Variants in STK3 observed in about 807,000 individuals in gnomAD.
The protein encoded by STK3 is serine/threonine kinase 3.
Under a neutral mutation model 58.0 loss-of-function variants are expected in STK3, and 41 were observed. The ratio of observed to expected loss-of-function variants is 0.71; its 90% CI spans 0.55 to 0.92. The LOEUF is 0.92. Among genes scored for constraint, STK3 ranks in the 40% least tolerant of loss-of-function variants. STK3 has a pLI of 0.00. For synonymous variants in STK3, 170 were observed against 191.0 expected, an observed-to-expected ratio of 0.89 and a Z score of 0.91; for missense variants, 479 against 602.7, an observed-to-expected ratio of 0.79 and a Z score of 2.15.
intron 3 of STK3, among the ~76,000 whole-genome samples, chr8:98,406,275 ATTTTAT>A (rs1378699677): frequency 2.3e-4 from 11 of 48,554 alleles, no homozygotes; most frequent in African/African-American, 5.4e-4. Flanking sequence ...ATTTTATTTT[ATTTTAT>A]TTTATTTTAT....
intron 4 of STK3, among the ~76,000 whole-genome samples, chr8:98,736,655 CT>C (rs890924540): frequency 6.6e-5 from 10 of 152,184 alleles, no homozygotes; most frequent in Admixed American, 2.6e-4. Context: ...CGCTTTACCC[CT>C]AATAAGATTT....
At chr8:98,724,238 A>G (rs1413774653) in intron 4 of STK3, among the ~76,000 whole-genome samples, 1 of 152,188 alleles carries the variant, frequency 6.6e-6, no homozygotes, top group African/African-American at 2.4e-5. Flanking sequence ...ACCATCTAAT[A>G]CAACATTTAA....
At chr8:98,764,690 G>C (rs1054165523) in intron 3 of STK3, among the ~76,000 whole-genome samples, 1 of 152,212 alleles carries the variant, frequency 6.6e-6, no homozygotes, top group Non-Finnish European at 1.5e-5. Context: ...TTATTAAATA[G>C]AAGTACTCAT....
At chr8:98,654,258 A>G (rs1355870768) in intron 6 of STK3, among the ~76,000 whole-genome samples, 1 of 152,244 alleles carries the variant, frequency 6.6e-6, no homozygotes, top group Admixed American at 6.5e-5. Flanking sequence ...ATAGATGCAG[A>G]AAAGGCCTTT....
intron 1 of STK3, among the ~76,000 whole-genome samples, chr8:98,931,535 C>T (rs1840003795): frequency 6.6e-6 from 1 of 152,180 alleles, no homozygotes; most frequent in South Asian, 2.1e-4. Context: ...ATGTCCAAGC[C>T]TCTGCTGTGG....
At chr8:98,909,236 C>T (rs941014055) in intron 1 of STK3, among the ~76,000 whole-genome samples, 1 of 152,142 alleles carries the variant, frequency 6.6e-6, no homozygotes, top group Non-Finnish European at 1.5e-5. Flanking sequence ...TATACAGGCT[C>T]CTGGCCGTGG....
chr8:98,478,402 A>G (rs1166177778), intron 10 of STK3, among the ~76,000 whole-genome samples: 1 of 152,170 alleles, frequency 6.6e-6, no homozygotes, highest in Non-Finnish European at 1.5e-5. Flanking sequence ...CTTAAGATCC[A>G]TCGAGTTCGC....
intron 9 of STK3, among the ~76,000 whole-genome samples, chr8:98,529,214 C>A (rs907942465): frequency 1.9e-4 from 29 of 152,224 alleles, no homozygotes; most frequent in African/African-American, 7.0e-4. Flanking sequence ...ATGAGGGAAG[C>A]CTAAATCGAT....
chr8:98,607,060 C>A (rs1816834420), intron 6 of STK3, among the ~76,000 whole-genome samples: 1 of 152,172 alleles, frequency 6.6e-6, no homozygotes, highest in Non-Finnish European at 1.5e-5. Context: ...AACAGAACCA[C>A]AGTACACTCA....
At chr8:98,476,819 TTGA>T (rs1189489496) in intron 10 of STK3, among the ~76,000 whole-genome samples, 4 of 152,236 alleles carry the variant, frequency 2.6e-5, no homozygotes, top group African/African-American at 9.6e-5. Flanking sequence ...TAAATCACTC[TTGA>T]TGATTTCCAC....
rs58367387 is a variant in STK3, at chr8:98,668,922, AT to A, written c.684+37544del. Among the ~76,000 whole-genome samples the A allele has an allele frequency of 5.8e-3, 872 of 149,988 alleles. 9 individuals carry two copies. The highest frequency in any genetic ancestry group is 0.021 in the African/African-American group (843 of 40,804). Reference sequence around the variant, plus strand: ...GTGTTTTCTGTATAATTCCAATTATATTTCAATTGTGTTCAGCTTTCAAACT... The same window carrying A: ...GTGTTTTCTGTATAATTCCAATTATATTCAATTGTGTTCAGCTTTCAAACT... On this transcript the variant is annotated intron_variant, in intron 6 of 10. Coordinates refer to ENST00000419617, the MANE Select transcript of STK3 (RefSeq NM_006281.4).
At chr8:98,464,506 C>CTGAG (rs1480384211) in intron 10 of STK3, among the ~76,000 whole-genome samples, 1 of 119,812 alleles carries the variant, frequency 8.3e-6, no homozygotes, top group Non-Finnish European at 1.6e-5. Flanking sequence ...GCCCATAAGG[C>CTGAG]TGAGCCACAG....
intron 1 of STK3, among the ~76,000 whole-genome samples, chr8:98,795,079 CAAAAAAA>C (rs35865316): frequency 6.0e-4 from 8 of 13,384 alleles, no homozygotes; most frequent in Non-Finnish European, 8.4e-4. Flanking sequence ...AACTCCGTCG[CAAAAAAA>C]AAAAAAAAAA....
chr8:98,734,022 A>G (rs1828392525), intron 4 of STK3, among the ~76,000 whole-genome samples: 1 of 152,144 alleles, frequency 6.6e-6, no homozygotes, highest in African/African-American at 2.4e-5. Flanking sequence ...AAGGGGAAGC[A>G]AACACCGAAT....
chr8:98,769,993 A>G (rs951656199), intron 2 of STK3, among the ~76,000 whole-genome samples: 1 of 152,208 alleles, frequency 6.6e-6, no homozygotes, highest in African/African-American at 2.4e-5. Flanking sequence ...CATCAGCACC[A>G]GGTCTGTTAT....
intron 6 of STK3, among the ~76,000 whole-genome samples, chr8:98,693,996 T>C (rs1824629546): frequency 6.6e-6 from 1 of 152,232 alleles, no homozygotes; most frequent in Admixed American, 6.5e-5. Context: ...TAAAATCCTT[T>C]CTTTGTGAAA....
intron 1 of STK3, among the ~76,000 whole-genome samples, chr8:98,942,137 C>G (rs371514472): frequency 1.3e-5 from 2 of 152,238 alleles, no homozygotes; most frequent in South Asian, 2.1e-4. Context: ...GCGCCCTAGA[C>G]GCCGGCCGGG....
chr8:98,850,243 A>G (rs72668412), intron 3 of STK3, among the ~76,000 whole-genome samples: 1 of 152,138 alleles, frequency 6.6e-6, no homozygotes, highest in Non-Finnish European at 1.5e-5. Context: ...GGACAATCAT[A>G]GCACACTACA....
chr8:98,577,597 T>G (rs1813514034), intron 8 of STK3, among the ~76,000 whole-genome samples: 1 of 152,172 alleles, frequency 6.6e-6, no homozygotes, highest in Admixed American at 6.5e-5. Flanking sequence ...GTTCTCTCTC[T>G]TGGACCACTC....
Sources: gnomAD v4.1 joint callset for allele counts (sites outside exome capture counted in the v4.1 genomes callset) on GRCh38, gnomAD v4.1.1 for gene constraint, MANE v1.5 for transcripts, NCBI Gene and HGNC (gene_info 2026-07-23, HGNC 2026-07-21) for gene names.